The following STYXL2 variants were observed in gnomAD, a reference collection of about 807,000 sequenced individuals.
STYXL2 encodes the protein serine/threonine/tyrosine-interacting-like protein 2.
Under a neutral mutation model 52.4 loss-of-function variants are expected in STYXL2, and 44 were observed. The ratio of observed to expected loss-of-function variants is 0.84; its 90% confidence interval spans 0.66 to 1.08. STYXL2 has a LOEUF of 1.08. STYXL2 is among the 50% of genes least tolerant of loss of function. STYXL2 has a pLI of 0.00. For synonymous variants in STYXL2, 604 were observed against 586.9 expected (o/e 1.03, Z -0.42); for missense variants, 1,604 against 1,471.7 (o/e 1.09, Z -1.47).
chr1:167,098,053 C>A (rs1667330842), intron 2 of STYXL2, among the ~76,000 whole-genome samples: 1 of 137,032 alleles, frequency 7.3e-6, no homozygotes. Context: ...CGCTCAGTCG[C>A]CAGGCTGGAG....
chr1:167,128,259 G>T lies in STYXL2; in HGVS notation c.3128G>T (p.Arg1043Leu), dbSNP rs373097210. Residue 1043 changes from arginine to leucine, a missense_variant, in exon 6 of 6, where the codon CGC (arginine) becomes CTC (leucine). By Grantham distance (102) the Arg-to-Leu change is moderately radical (BLOSUM62 -2). Coordinates refer to ENST00000361200, the MANE Select transcript of STYXL2 (RefSeq NM_001080426.3). The part of the protein sequence containing the change: ...REESPEPYFF[R>L]RTPESSEREE... ...GAGAGCCCAGAGCCCTACTTCTTCC[G>T]CCGGACCCCAGAGTCCTCAGAAAGG... The T allele has an allele frequency of 1.4e-5, 22 of 1,614,018 alleles. No individual in the cohort carries two copies. The highest frequency in any genetic ancestry group is 1.8e-5 in the Non-Finnish European group (21 of 1,180,040).
At position 167,119,111 on chromosome 1, in the gene STYXL2, C is replaced by T. The variant is rs1281172893; in HGVS notation, c.438-138C>T. ...TTTCTATAATGGTATTTGCAGTGATCCCCAGACAACCAGGGGCAGAAAAGG... is the reference window on the plus strand; with the variant it reads ...TTTCTATAATGGTATTTGCAGTGATTCCCAGACAACCAGGGGCAGAAAAGG... On this transcript the variant is annotated intron_variant, in intron 4 of 5. Coordinates refer to ENST00000361200, the MANE Select transcript of STYXL2 (RefSeq NM_001080426.3). The T allele has an allele frequency of 4.2e-6, 3 of 720,184 alleles. No homozygotes were observed. In the East Asian group the frequency reaches 8.1e-5, roughly 19 times the overall value. 44.6% of individuals were successfully genotyped at this position (720,184 alleles called of 1,614,324 possible). A position where few individuals can be genotyped will look rare whatever the true frequency, so the allele number is the denominator to read the frequency against.
In STYXL2 at chr1:167,125,808, A is replaced by C; in HGVS notation, c.677A>C (p.Glu226Ala). 6.2e-7 allele frequency: 1 copy of C among 1,604,122 alleles called. No individual in the cohort carries two copies. The highest frequency in any genetic ancestry group is 8.5e-7 in the Non-Finnish European group (1 of 1,175,260). The change falls in exon 6 of 6, where the codon GAA becomes GCA. Residue 226 changes from glutamate (E) to alanine (A), a missense_variant. Glu to Ala is a moderately radical substitution (Grantham distance 107). Coordinates refer to ENST00000361200, the MANE Select transcript of STYXL2 (RefSeq NM_001080426.3). The part of the protein sequence containing the change: ...TYRGKVLVSS[E>A]MGISRSAVLV... ...TCAGGGAAAGTCCTGGTCAGCAGCG[A>C]AATGGGCATCAGCCGGTCAGCAGTG... is the stretch of plus-strand genomic sequence containing the variant.
intron 5 of STYXL2, among the ~76,000 whole-genome samples, chr1:167,124,081 T>C (rs887935502): frequency 6.6e-6 from 1 of 151,886 alleles, no homozygotes; most frequent in Non-Finnish European, 1.5e-5. Context: ...TGGTTTTTTG[T>C]TTTTGTTTTT....
At chr1:167,105,416 G>A (rs967993543) in intron 2 of STYXL2, among the ~76,000 whole-genome samples, 5 of 152,056 alleles carry the variant, frequency 3.3e-5, no homozygotes, top group Non-Finnish European at 7.3e-5. Context: ...TCGATCCTAG[G>A]TCCTTTTTTT....
At chr1:167,122,663 T>A (rs1055690895) in intron 5 of STYXL2, among the ~76,000 whole-genome samples, 10 of 151,288 alleles carry the variant, frequency 6.6e-5, no homozygotes, top group South Asian at 2.1e-4. Flanking sequence ...AAAAAAAAAA[T>A]TTTTTTTTGA....
chr1:167,101,751 A>G (rs1308635829), intron 2 of STYXL2, among the ~76,000 whole-genome samples: 1 of 151,498 alleles, frequency 6.6e-6, no homozygotes, highest in African/African-American at 2.4e-5. Flanking sequence ...CAGTGAACCA[A>G]GATTGCACCA....
At chr1:167,107,355 A>G (rs893445185) in intron 2 of STYXL2, among the ~76,000 whole-genome samples, 1 of 152,046 alleles carries the variant, frequency 6.6e-6, no homozygotes, top group African/African-American at 2.4e-5. Context: ...GTAGACATAG[A>G]CCCCACCTCT....
chr1:167,124,724 C>T (rs6661907), intron 5 of STYXL2, among the ~76,000 whole-genome samples: 14,772 of 152,136 alleles, frequency 0.097, 977 homozygotes, highest in Middle Eastern at 0.26. Context: ...AAAAGGAACA[C>T]GACTTAATTG....
Position 167,102,015 on chromosome 1 carries a change from A to C in STYXL2, c.110+7056A>C, listed in dbSNP as rs995402506. On this transcript the variant is annotated intron_variant, in intron 2 of 5. Transcript: ENST00000361200. Reference sequence around the variant, plus strand: ...CATACAACAACATGGATGAATCTCAAAATAATTACACTGCTTGAAAGTCAG... The same window carrying C: ...CATACAACAACATGGATGAATCTCACAATAATTACACTGCTTGAAAGTCAG... 2.0e-5 allele frequency among the ~76,000 whole-genome samples: 3 copies of C among 152,358 alleles called. No individual in the cohort carries two copies. The South Asian group carries it at 6.2e-4, about 32-fold the overall frequency.
intron 2 of STYXL2, among the ~76,000 whole-genome samples, chr1:167,112,981 C>T (rs911493922): frequency 7.9e-5 from 12 of 152,156 alleles, no homozygotes; most frequent in Non-Finnish European, 1.5e-5. Context: ...CCCATCCCCA[C>T]CGCCATAGTG....
chr1:167,104,126 A>G (rs984398151), intron 2 of STYXL2, among the ~76,000 whole-genome samples: 1 of 152,048 alleles, frequency 6.6e-6, no homozygotes, highest in Non-Finnish European at 1.5e-5. Context: ...CTTGAAAAAA[A>G]AGAAGTAAGT....
chr1:167,122,659 A>G (rs1422669641), intron 5 of STYXL2, among the ~76,000 whole-genome samples: 5 of 152,034 alleles, frequency 3.3e-5, no homozygotes, highest in African/African-American at 4.8e-5. Flanking sequence ...TCTTAAAAAA[A>G]AAATTTTTTT....
chr1:167,117,660 C>T lies in STYXL2; in HGVS notation c.437+101C>T, dbSNP rs1667757772. On this transcript the variant is annotated intron_variant, in intron 4 of 5. Coordinates refer to ENST00000361200, the MANE Select transcript of STYXL2 (RefSeq NM_001080426.3). ...CTTTCACCAAAGGCGCCCATAGGTCCATCCAGCACAATGAGGCTGCCTAGC... is the reference window on the plus strand; with the variant it reads ...CTTTCACCAAAGGCGCCCATAGGTCTATCCAGCACAATGAGGCTGCCTAGC... 6.5e-6 allele frequency: 7 copies of T among 1,073,692 alleles called. No individual in the cohort carries two copies. The South Asian group carries it at 1.1e-4, about 17-fold the overall frequency. The allele number at this position is 1,073,692 out of a possible 1,614,324, so 66.5% of individuals were successfully genotyped here. A position where few individuals can be genotyped will look rare whatever the true frequency, so the allele number is the denominator to read the frequency against.
At chr1:167,097,380 G>A (rs934449483) in intron 2 of STYXL2, among the ~76,000 whole-genome samples, 5 of 152,172 alleles carry the variant, frequency 3.3e-5, no homozygotes, top group Non-Finnish European at 5.9e-5. Context: ...AAATCCATGT[G>A]TTACTAACCA....
At chr1:167,107,584 T>C (rs1667530527) in intron 2 of STYXL2, among the ~76,000 whole-genome samples, 1 of 152,228 alleles carries the variant, frequency 6.6e-6, no homozygotes, top group Admixed American at 6.5e-5. Flanking sequence ...TGATAGATCT[T>C]ATTGCTGATT....
intron 2 of STYXL2, among the ~76,000 whole-genome samples, chr1:167,111,469 C>CATATATATATAT (rs776014246): frequency 1.0e-4 from 8 of 79,894 alleles, no homozygotes; most frequent in African/African-American, 1.7e-4. Context: ...AAATATGGTA[C>CATATATATATAT]ATATATATAT....
intron 2 of STYXL2, among the ~76,000 whole-genome samples, chr1:167,103,554 A>C (rs7551200): frequency 0.3 from 45,287 of 151,958 alleles, 6,888 homozygotes; most frequent in African/African-American, 0.32. Context: ...GGGGTGTAGA[A>C]AATGGATGGG....
chr1:167,128,700 T>A lies in STYXL2; in HGVS notation c.*92T>A. ...GCCACCACTCATCGCAGGATGAGGA[T>A]ACAGAGAGGATCTTCCAGAGGGGCA... On this transcript the variant is annotated 3_prime_UTR_variant, in exon 6 of 6. Transcript: ENST00000361200. 6.8e-7 allele frequency: 1 copy of A among 1,470,364 alleles called. No individual in the cohort carries two copies. The highest frequency in any genetic ancestry group is 8.9e-7 in the Non-Finnish European group (1 of 1,119,750). 91.1% of individuals were successfully genotyped at this position (1,470,364 alleles called of 1,614,324 possible).
Sources: gnomAD v4.1 joint callset for allele counts (sites outside exome capture counted in the v4.1 genomes callset) on GRCh38, gnomAD v4.1.1 for gene constraint, MANE v1.5 for transcripts, NCBI Gene and HGNC (gene_info 2026-07-23, HGNC 2026-07-21) for gene names.